Variants in ILDR2 observed in about 807,000 individuals in gnomAD.
ILDR2 encodes immunoglobulin like domain containing receptor 2, also known as immunoglobulin-like domain-containing receptor 2.
A neutral mutation model predicts 66.8 loss-of-function variants in ILDR2; 25 were observed. The ratio of observed to expected loss-of-function variants is 0.37; its 90% CI spans 0.27 to 0.52. The LOEUF is 0.52. ILDR2 is among the 20% of genes least tolerant of loss of function. The pLI, the probability that ILDR2 is intolerant of heterozygous loss-of-function variation, is 0.88. For synonymous variants in ILDR2, 367 were observed against 357.2 expected, an observed-to-expected ratio of 1.03 and a Z score of -0.31; for missense variants, 827 against 876.8, an observed-to-expected ratio of 0.94 and a Z score of 0.72.
chr1:166,943,491 C>CAAAAAAAAAA (rs11366097), intron 3 of ILDR2, among the ~76,000 whole-genome samples: 1 of 74,508 alleles, frequency 1.3e-5, no homozygotes, highest in Non-Finnish European at 2.3e-5. Flanking sequence ...GACTCCGTCT[C>CAAAAAAAAAA]AAAAAAAAAA....
intron 7 of ILDR2, among the ~76,000 whole-genome samples, chr1:166,926,503 G>A (rs1314472134): frequency 3.3e-5 from 5 of 151,846 alleles, no homozygotes; most frequent in African/African-American, 4.8e-5. Context: ...CCAGATTCAC[G>A]TGCCAGACTT....
At chr1:166,959,420 G>A (rs2101988407) in intron 1 of ILDR2, among the ~76,000 whole-genome samples, 1 of 152,344 alleles carries the variant, frequency 6.6e-6, no homozygotes, top group East Asian at 1.9e-4. Context: ...AAGCCAGGAA[G>A]TATCACTTCA....
Position 166,921,277 on chromosome 1 carries a change from G to A in ILDR2, c.1314C>T (p.Gly438=). 4 of 1,599,508 alleles carry A rather than the reference G, an allele frequency of 2.5e-6. No homozygotes were observed. Among genetic ancestry groups the A allele is most frequent in the Non-Finnish European group, 3.4e-6 (4 of 1,174,206 alleles). ...DELAAFADSY[G]QRPRRADGNS... ...TGCCGTCTGCCCGGCGGGGCCGCTG[G>A]CCGTAGGAGTCAGCGAAGGCCGCCA... is the stretch of plus-strand genomic sequence containing the variant. The change falls in exon 9 of 10, where the codon GGC becomes GGT. Residue 438 remains glycine, a synonymous_variant. Coordinates refer to ENST00000271417, the MANE Select transcript of ILDR2 (RefSeq NM_199351.3). This position sits in a 1 kb window ranked among gnomAD's most constrained non-coding sequence, Gnocchi z 5.3.
At chr1:166,906,054 G>A (rs987328542), downstream of ILDR2, among the ~76,000 whole-genome samples, 2 of 152,230 alleles carry the variant, frequency 1.3e-5, no homozygotes, top group African/African-American at 4.8e-5. Context: ...TGGCTGAGAT[G>A]TGACCTGGAT....
intron 1 of ILDR2, among the ~76,000 whole-genome samples, chr1:166,965,440 T>C (rs888157363): frequency 6.6e-6 from 1 of 152,124 alleles, no homozygotes; most frequent in Non-Finnish European, 1.5e-5. Flanking sequence ...AGGTACAGAA[T>C]TTTCCACTTT....
intron 3 of ILDR2, among the ~76,000 whole-genome samples, chr1:166,943,435 T>C (rs1198843807): frequency 1.6e-5 from 2 of 127,842 alleles, no homozygotes; most frequent in Admixed American, 2.2e-4. Flanking sequence ...GAGCTTGCAG[T>C]GAGCCGAGAT....
intron 7 of ILDR2, among the ~76,000 whole-genome samples, chr1:166,924,560 A>G (rs1413964527): frequency 6.6e-6 from 1 of 152,232 alleles, no homozygotes; most frequent in African/African-American, 2.4e-5. Flanking sequence ...GGATAGGGGT[A>G]AGCAAACTTC....
intron 3 of ILDR2, among the ~76,000 whole-genome samples, chr1:166,945,985 G>A (rs1397320211): frequency 6.6e-6 from 1 of 152,128 alleles, no homozygotes; most frequent in Non-Finnish European, 1.5e-5. Context: ...AGATGCCCTA[G>A]ATCCATTTTC....
chr1:166,970,856 T>A (rs1663247762), intron 1 of ILDR2, among the ~76,000 whole-genome samples: 1 of 152,016 alleles, frequency 6.6e-6, no homozygotes, highest in African/African-American at 2.4e-5. Context: ...CGAAAGAAGA[T>A]GGACGAGGTA....
chr1:166,967,685 G>A (rs1003699696), intron 1 of ILDR2, among the ~76,000 whole-genome samples: 1 of 152,170 alleles, frequency 6.6e-6, no homozygotes, highest in African/African-American at 2.4e-5. Flanking sequence ...TGATCTGGGA[G>A]GCAGAGGCTG....
chr1:166,950,659 T>C (rs1175706277), intron 3 of ILDR2, among the ~76,000 whole-genome samples: 2 of 151,780 alleles, frequency 1.3e-5, no homozygotes, highest in African/African-American at 4.8e-5. Context: ...TACTAGTGGA[T>C]GGAGAAGTTT....
At chr1:166,965,574 T>TG (rs1181150363) in intron 1 of ILDR2, among the ~76,000 whole-genome samples, 5 of 147,452 alleles carry the variant, frequency 3.4e-5, no homozygotes, top group African/African-American at 5.1e-5. Flanking sequence ...GGTTTTGTTT[T>TG]TTTTTTTGTT....
At chr1:166,956,420 A>G (rs1482193310) in intron 3 of ILDR2, among the ~76,000 whole-genome samples, 1 of 152,188 alleles carries the variant, frequency 6.6e-6, no homozygotes, top group Non-Finnish European at 1.5e-5. Flanking sequence ...CAAAATTAGC[A>G]TATAACAAGA....
chr1:166,898,297 T>C (rs1399354767), intron 2 of ILDR2, among the ~76,000 whole-genome samples: 1 of 152,154 alleles, frequency 6.6e-6, no homozygotes, highest in Non-Finnish European at 1.5e-5. Context: ...GATGTTGAAA[T>C]AGAAATATTT....
At position 166,911,177 on chromosome 1, in the gene ILDR2, C is replaced by A. The variant is rs1318083784; in HGVS notation, c.*8178G>T. 1 of 152,206 alleles carries A rather than the reference C, an allele frequency of 6.6e-6. No homozygotes were observed. Among genetic ancestry groups the A allele is most frequent in the Non-Finnish European group, 1.5e-5 (1 of 68,034 alleles). The allele number at this position is 152,206 out of a possible 1,614,324, so 9.4% of individuals were successfully genotyped here. On this transcript the variant is annotated 3_prime_UTR_variant, in exon 10 of 10. Transcript: ENST00000271417. The stretch of plus-strand genomic sequence containing the variant: ...CAGTCTATGTCTATAATTAAGACAG[C>A]CATTCTCTTATATTATCAAACTCTA...
intron 3 of ILDR2, among the ~76,000 whole-genome samples, chr1:166,945,464 C>T (rs1179945623): frequency 6.6e-6 from 1 of 152,170 alleles, no homozygotes; most frequent in African/African-American, 2.4e-5. Context: ...TATAAAATTC[C>T]CCATTTCAGT....
Position 166,916,817 on chromosome 1 carries a change from T to C in ILDR2, c.*2538A>G, listed in dbSNP as rs1446425672. On this transcript the variant is annotated 3_prime_UTR_variant, in exon 10 of 10. Transcript: ENST00000271417. ...GTTTTGTTGTCTTTGGAATTGCAGG[T>C]TTCCAATTTTAATAATTCTTTCTTT... The C allele has an allele frequency of 6.6e-6, 1 of 152,200 alleles. No homozygotes were observed. Among genetic ancestry groups the C allele is most frequent in the Non-Finnish European group, 1.5e-5 (1 of 68,042 alleles). The allele number at this position is 152,200 out of a possible 1,614,324, so 9.4% of individuals were successfully genotyped here. A position where few individuals can be genotyped will look rare whatever the true frequency, so the allele number is the denominator to read the frequency against.
rs892115659 is a variant in ILDR2, at chr1:166,908,788, G to A, written c.*10567C>T. ...AAGGACATTCACTGGTATATGGAAG[G>A]CTCTGGTAGGATTTGTCACTGAACT... is the stretch of plus-strand genomic sequence containing the variant. On this transcript the variant is annotated 3_prime_UTR_variant, in exon 10 of 10. Transcript: ENST00000271417. 2 of 152,190 alleles carry A rather than the reference G, an allele frequency of 1.3e-5. No individual in the cohort carries two copies. Among genetic ancestry groups the A allele is most frequent in the Non-Finnish European group, 2.9e-5 (2 of 68,036 alleles). The allele number at this position is 152,190 out of a possible 1,614,324, so 9.4% of individuals were successfully genotyped here.
rs1659869713 is a variant in ILDR2 at position 166,920,737 on chromosome 1, C to G, written c.1854G>C (p.Lys618Asn). 4 of 1,450,964 alleles carry G rather than the reference C, an allele frequency of 2.8e-6. No homozygotes were observed. The highest frequency in any genetic ancestry group is 1.5e-5 in the African/African-American group (1 of 67,186). 89.9% of individuals were successfully genotyped at this position (1,450,964 alleles called of 1,614,324 possible). The change falls in exon 9 of 10, where the codon AAG (lysine) becomes AAC (asparagine). Residue 618 changes from lysine (K) to asparagine (N), a missense_variant. Physicochemically the swap from Lys to Asn is moderately conservative, Grantham distance 94. Around this residue, in one of 2 missense-constraint regions of ILDR2, gnomAD observed 390 missense variants for 353.6 expected, o/e 1.10. Coordinates refer to ENST00000271417, the MANE Select transcript of ILDR2 (RefSeq NM_199351.3). ...TCTTGGCGGGCTCCTTTTTCCTCTTCTTCTCCGAGTTGCTGTGGTAGGGCA... is the reference window on the plus strand; with the variant it reads ...TCTTGGCGGGCTCCTTTTTCCTCTTGTTCTCCGAGTTGCTGTGGTAGGGCA... Reference protein sequence around the residue: ...RDLPYHSNSEKKRKKEPAKKT... With the variant: ...RDLPYHSNSENKRKKEPAKKT...
Sources: allele counts gnomAD v4.1 joint callset (sites outside exome capture counted in the v4.1 genomes callset), GRCh38; gene constraint gnomAD v4.1.1; regional missense constraint gnomAD v4.1.1; non-coding constraint Gnocchi (gnomAD v3.1); transcripts MANE v1.5; gene names NCBI Gene and HGNC (gene_info 2026-07-23, HGNC 2026-07-21).